The following WSCD2 variants were observed in gnomAD, a reference collection of about 807,000 sequenced individuals.
WSCD2 encodes the protein sialate:O-sulfotransferase 2.
In WSCD2, 28 loss-of-function variants were observed where a neutral mutation model predicts 55.7. The ratio of observed to expected loss-of-function variants is 0.50; its 90% confidence interval spans 0.37 to 0.69. WSCD2 has a LOEUF of 0.69. Among genes scored for constraint, WSCD2 ranks in the 30% least tolerant of loss-of-function variants. WSCD2 has a pLI of 0.00. For missense variants in WSCD2, 616 were observed against 762.1 expected, an observed-to-expected ratio of 0.81 and a Z score of 2.26; for synonymous variants, 301 against 301.9, an observed-to-expected ratio of 1.00 and a Z score of 0.03.
In WSCD2 at chr12:108,155,273, A is replaced by T. The variant is rs1592898898; in HGVS notation, c.-552+25347A>T. Among the ~76,000 whole-genome samples the T allele has an allele frequency of 2.0e-5, 3 of 152,294 alleles. No individual in the cohort carries two copies. The East Asian group carries it at 5.8e-4, about 29-fold the overall frequency. ...TGGAAGAGAGTTGGTATATGGGGGT[A>T]GTGTTAGGGGCATGATTGTGGCCCC... On this transcript the variant is annotated intron_variant, in intron 1 of 8. Transcript: ENST00000547525.
chr12:108,188,974 G>C (rs1882848893), intron 1 of WSCD2, among the ~76,000 whole-genome samples: 1 of 152,158 alleles, frequency 6.6e-6, no homozygotes, highest in South Asian at 2.1e-4. Flanking sequence ...CATCATTGTT[G>C]AAAGGTCCTA....
At chr12:108,232,317 C>G (rs1374757319) in intron 6 of WSCD2, among the ~76,000 whole-genome samples, 1 of 151,976 alleles carries the variant, frequency 6.6e-6, no homozygotes, top group Non-Finnish European at 1.5e-5. Context: ...CCGCAAAATA[C>G]AAGAATAACA....
intron 1 of WSCD2, among the ~76,000 whole-genome samples, chr12:108,149,230 A>G (rs1246320455): frequency 2.0e-5 from 3 of 152,212 alleles, no homozygotes; most frequent in African/African-American, 7.2e-5. Context: ...GCGGGATTGC[A>G]ACAGATTTGC....
intron 1 of WSCD2, among the ~76,000 whole-genome samples, chr12:108,173,534 G>C (rs1011198558): frequency 2.7e-5 from 4 of 148,430 alleles, no homozygotes; most frequent in African/African-American, 9.8e-5. Context: ...CCCTGACCAG[G>C]TGCTTCTCAG....
chr12:108,223,224 A>ATT (rs1887720471), intron 4 of WSCD2, among the ~76,000 whole-genome samples: 1 of 152,258 alleles, frequency 6.6e-6, no homozygotes, highest in African/African-American at 2.4e-5. Flanking sequence ...TTCACCAAAC[A>ATT]ACTGGGCACC....
At chr12:108,131,148 G>A (rs979886571) in intron 1 of WSCD2, among the ~76,000 whole-genome samples, 16 of 152,160 alleles carry the variant, frequency 1.1e-4, no homozygotes, top group African/African-American at 2.4e-4. Flanking sequence ...CCTCCAGGGC[G>A]TCAGAATCTG....
chr12:108,230,032 T>C (rs954610473), intron 6 of WSCD2, among the ~76,000 whole-genome samples: 9 of 152,324 alleles, frequency 5.9e-5, no homozygotes, highest in Non-Finnish European at 8.8e-5. Context: ...TAATTTTTGG[T>C]GCATTTCCAA....
At chr12:108,152,093 TC>T (rs1878061319) in intron 1 of WSCD2, among the ~76,000 whole-genome samples, 1 of 150,880 alleles carries the variant, frequency 6.6e-6, no homozygotes. Flanking sequence ...TGCACTCTGA[TC>T]CCCCCGGGAA....
intron 4 of WSCD2, among the ~76,000 whole-genome samples, chr12:108,219,418 A>G (rs1946375): frequency 0.69 from 104,479 of 152,052 alleles, 36,343 homozygotes; most frequent in East Asian, 0.88. Flanking sequence ...ACATACACAT[A>G]GGAGGCACAC....
Position 108,248,737 on chromosome 12 carries a change from GC to G in WSCD2, c.*395del. On this transcript the variant is annotated 3_prime_UTR_variant, in exon 9 of 9. Transcript: ENST00000547525. The surrounding 1 kb of genome is among the most constrained non-coding windows in gnomAD (Gnocchi z 4.3). Reference sequence around the variant, plus strand: ...GGCTCTTGATGCAAGAGCCCAGGGGGCTATTGTAAAAACTTGGCCCCAGATG... The same window carrying G: ...GGCTCTTGATGCAAGAGCCCAGGGGGTATTGTAAAAACTTGGCCCCAGATG... 1.0e-6 allele frequency: 1 copy of G among 1,002,964 alleles called. No individual in the cohort carries two copies. Among genetic ancestry groups the G allele is most frequent in the Non-Finnish European group, 1.2e-6 (1 of 839,560 alleles). The allele number at this position is 1,002,964 out of a possible 1,614,324, so 62.1% of individuals were successfully genotyped here. A position where few individuals can be genotyped will look rare whatever the true frequency, so the allele number is the denominator to read the frequency against.
chr12:108,227,179 T>C lies in WSCD2; in HGVS notation c.979+15T>C. ...ACAAGTCCAAGGTGAGCTAGGCCCT[T>C]CCCCAGTGGACCCCAGATGCACTCC... On this transcript the variant is annotated intron_variant, in intron 6 of 8. Transcript: ENST00000547525. 1.2e-6 allele frequency: 2 copies of C among 1,606,702 alleles called. No homozygotes were observed. Among genetic ancestry groups the C allele is most frequent in the Non-Finnish European group, 1.7e-6 (2 of 1,176,126 alleles).
chr12:108,184,753 A>G (rs1282823603), intron 1 of WSCD2, among the ~76,000 whole-genome samples: 1 of 152,214 alleles, frequency 6.6e-6, no homozygotes, highest in African/African-American at 2.4e-5. Flanking sequence ...TAATAGCTAA[A>G]AAGTATTGAG....
intron 8 of WSCD2, among the ~76,000 whole-genome samples, chr12:108,242,075 C>G (rs1402858876): frequency 2.0e-5 from 3 of 152,224 alleles, no homozygotes; most frequent in Non-Finnish European, 4.4e-5. Flanking sequence ...GAGTTGTCCC[C>G]AGCTCATCCA....
chr12:108,138,680 A>G (rs1876473564), intron 1 of WSCD2, among the ~76,000 whole-genome samples: 1 of 152,194 alleles, frequency 6.6e-6, no homozygotes, highest in African/African-American at 2.4e-5. Flanking sequence ...CTCATGATGA[A>G]TCAGTCATTT....
At chr12:108,240,120 A>G (rs1405901452) in intron 7 of WSCD2, among the ~76,000 whole-genome samples, 2 of 152,264 alleles carry the variant, frequency 1.3e-5, no homozygotes, top group Non-Finnish European at 2.9e-5. Flanking sequence ...TCTCAAAAAC[A>G]GGAAGACTCG....
At chr12:108,236,566 T>TTC (rs914223641) in intron 7 of WSCD2, among the ~76,000 whole-genome samples, 19 of 147,750 alleles carry the variant, frequency 1.3e-4, no homozygotes, top group Non-Finnish European at 2.1e-4. Context: ...CTGGCGCTCT[T>TTC]TCTCTCTCTC....
intron 7 of WSCD2, among the ~76,000 whole-genome samples, chr12:108,235,709 G>T (rs957236845): frequency 6.6e-6 from 1 of 152,170 alleles, no homozygotes; most frequent in African/African-American, 2.4e-5. Flanking sequence ...CTAGTTACTG[G>T]ATGTTTCCTT....
intron 1 of WSCD2, among the ~76,000 whole-genome samples, chr12:108,182,352 G>A (rs935745255): frequency 2.0e-5 from 3 of 152,280 alleles, no homozygotes; most frequent in Non-Finnish European, 4.4e-5. Flanking sequence ...ACTGTCTCCC[G>A]GAGAGAATTT....
intron 1 of WSCD2, among the ~76,000 whole-genome samples, chr12:108,154,985 C>T (rs1878375533): frequency 1.3e-5 from 2 of 152,068 alleles, no homozygotes; most frequent in South Asian, 2.1e-4. Context: ...GGCGAATATG[C>T]CCCAGATCCC....
Sources: allele counts gnomAD v4.1 joint callset (sites outside exome capture counted in the v4.1 genomes callset), GRCh38; gene constraint gnomAD v4.1.1; non-coding constraint Gnocchi (gnomAD v3.1); transcripts MANE v1.5; gene names NCBI Gene and HGNC (gene_info 2026-07-23, HGNC 2026-07-21).